Variants in SMARCA2 observed in about 807,000 individuals in gnomAD.
The protein encoded by SMARCA2 is SWI/SNF related BAF chromatin remodeling complex subunit ATPase 2.
A neutral mutation model predicts 199.8 loss-of-function variants in SMARCA2; 61 were observed. The ratio of observed to expected loss-of-function variants is 0.31; its 90% CI spans 0.25 to 0.38. The LOEUF is 0.38. SMARCA2 is among the 10% of genes least tolerant of loss of function. The pLI is 1.00. For synonymous variants in SMARCA2, 935 were observed against 732.0 expected (o/e 1.28, Z -4.48); for missense variants, 1,344 against 2,012.2 (o/e 0.67, Z 6.35).
Position 2,170,323 on chromosome 9 carries a change from G to A in SMARCA2, c.4200-96G>A, listed in dbSNP as rs1826179206. ...AACAAGGCAGGTTGGTGAGGAGACT[G>A]AGGCTTGGCCAGGTCACCCAGCCTA... On this transcript the variant is annotated intron_variant, in intron 28 of 33. Coordinates refer to ENST00000349721, the MANE Select transcript of SMARCA2 (RefSeq NM_003070.5). This position sits in a 1 kb window ranked among gnomAD's most constrained non-coding sequence, Gnocchi z 4.7. 1.3e-6 allele frequency: 2 copies of A among 1,521,436 alleles called. No homozygotes were observed. The highest frequency in any genetic ancestry group is 1.2e-5 in the South Asian group (1 of 83,246). The allele number at this position is 1,521,436 out of a possible 1,614,324, so 94.2% of individuals were successfully genotyped here.
intron 26 of SMARCA2, among the ~76,000 whole-genome samples, chr9:2,121,485 T>C (rs980033881): frequency 6.6e-6 from 1 of 152,178 alleles, no homozygotes; most frequent in South Asian, 2.1e-4. Flanking sequence ...GCACCTCCAC[T>C]TGGGGGCAGG....
At chr9:2,087,295 T>G in intron 18 of SMARCA2, 1 of 544,614 alleles carries the variant, frequency 1.8e-6, no homozygotes. Flanking sequence ...CTTTGTCTTT[T>G]GCCAGCATGT....
intron 19 of SMARCA2, among the ~76,000 whole-genome samples, chr9:2,092,058 G>A (rs1363990837): frequency 6.6e-6 from 1 of 152,070 alleles, no homozygotes; most frequent in Non-Finnish European, 1.5e-5. Context: ...TTATGCACGG[G>A]AAAGAATGCC....
At chr9:2,122,351 T>C (rs1435856464) in intron 26 of SMARCA2, among the ~76,000 whole-genome samples, 3 of 152,132 alleles carry the variant, frequency 2.0e-5, no homozygotes, top group Non-Finnish European at 4.4e-5. Context: ...ATTAGCTCTC[T>C]AATAACTATT....
At chr9:2,176,631 G>A (rs1426953833) in intron 29 of SMARCA2, among the ~76,000 whole-genome samples, 1 of 151,810 alleles carries the variant, frequency 6.6e-6, no homozygotes, top group African/African-American at 2.4e-5. Flanking sequence ...AGCTCGCTGC[G>A]ACCTCTGCCT....
chr9:2,029,135 G>C lies in SMARCA2; in HGVS notation c.113G>C (p.Gly38Ala), dbSNP rs774085434. 10 of 1,611,654 alleles carry C rather than the reference G, an allele frequency of 6.2e-6. No individual in the cohort carries two copies. The highest frequency in any genetic ancestry group is 1.7e-5 in the Admixed American group (1 of 59,746). ...GPSPGPGPSPGSVHSMMGPSP... is the reference protein window; with the variant it reads ...GPSPGPGPSPASVHSMMGPSP... ...AGTCCAGGACCAGGACCATCCCCAGGTTCCGTCCACAGCATGATGGGGCCA... is the reference window on the plus strand; with the variant it reads ...AGTCCAGGACCAGGACCATCCCCAGCTTCCGTCCACAGCATGATGGGGCCA... Residue 38 changes from glycine (G) to alanine (A), a missense_variant, in exon 2 of 34, where the codon GGT becomes GCT. By Grantham distance (60) the Gly-to-Ala change is moderately conservative (BLOSUM62 0). Around this residue, in one of 18 missense-constraint regions of SMARCA2, gnomAD observed 275 missense variants for 247.5 expected, o/e 1.11. Coordinates refer to ENST00000349721, the MANE Select transcript of SMARCA2 (RefSeq NM_003070.5).
chr9:2,092,449 T>A lies in SMARCA2; in HGVS notation c.2883+3836T>A, dbSNP rs78445354. Among the ~76,000 whole-genome samples, 3 of 152,354 alleles carry A rather than the reference T, an allele frequency of 2.0e-5. No individual in the cohort carries two copies. The East Asian group carries it at 5.8e-4, about 29-fold the overall frequency. On this transcript the variant is annotated intron_variant, in intron 19 of 33. Coordinates refer to ENST00000349721, the MANE Select transcript of SMARCA2 (RefSeq NM_003070.5). ...TTAGAACCTGAGACTTTTCATAAAT[T>A]GAATCATATTGTTTACAAATCTCAG...
At chr9:2,168,761 A>AT (rs201354376) in intron 28 of SMARCA2, among the ~76,000 whole-genome samples, 16 of 151,614 alleles carry the variant, frequency 1.1e-4, no homozygotes, top group South Asian at 4.2e-4. Flanking sequence ...AAAAATTTGT[A>AT]TTTTTTTTTC....
chr9:2,116,298 A>C (rs1321312094), intron 25 of SMARCA2, among the ~76,000 whole-genome samples: 2 of 152,206 alleles, frequency 1.3e-5, no homozygotes, highest in South Asian at 4.1e-4. Flanking sequence ...CCAGGGTGGT[A>C]AAACCAGCTG....
rs900097044 is a variant in SMARCA2, at chr9:2,109,973, A to G, written c.3293-281A>G. On this transcript the variant is annotated intron_variant, in intron 23 of 33. Transcript: ENST00000349721. Reference sequence around the variant, plus strand: ...TGTTATAAATCACAGAAATAAATCCAAAAAATGTTTTCATTGTTTTAGGTG... The same window carrying G: ...TGTTATAAATCACAGAAATAAATCCGAAAAATGTTTTCATTGTTTTAGGTG... Among the ~76,000 whole-genome samples, 3 of 152,234 alleles carry G rather than the reference A, an allele frequency of 2.0e-5. No homozygotes were observed. In the East Asian group the frequency reaches 5.8e-4, roughly 29 times the overall value.
chr9:2,015,718 C>T (rs1818325293), intron 1 of SMARCA2, among the ~76,000 whole-genome samples: 2 of 152,192 alleles, frequency 1.3e-5, no homozygotes. Flanking sequence ...ATAATTACTA[C>T]TTCAAGGGGG....
intron 9 of SMARCA2, among the ~76,000 whole-genome samples, chr9:2,068,661 TAAAG>T (rs1820949477): frequency 6.6e-6 from 1 of 152,088 alleles, no homozygotes; most frequent in Non-Finnish European, 1.5e-5. Context: ...TTTAATTAAC[TAAAG>T]AGCCCAAGGG....
intron 23 of SMARCA2, among the ~76,000 whole-genome samples, chr9:2,106,089 T>G (rs1563772206): frequency 1.3e-5 from 2 of 152,242 alleles, no homozygotes; most frequent in African/African-American, 4.8e-5. Context: ...GCATTTCATG[T>G]GCATTATTAA....
At chr9:2,155,207 TA>T (rs1411316992) in intron 27 of SMARCA2, among the ~76,000 whole-genome samples, 1 of 152,250 alleles carries the variant, frequency 6.6e-6, no homozygotes, top group African/African-American at 2.4e-5. Flanking sequence ...ATATTGTGTT[TA>T]ATACTGCTTA....
chr9:2,180,556 A>T (rs1826952584), intron 29 of SMARCA2, among the ~76,000 whole-genome samples: 1 of 152,194 alleles, frequency 6.6e-6, no homozygotes, highest in Non-Finnish European at 1.5e-5. Flanking sequence ...TTAATTTTTG[A>T]TATTTCTGGC....
chr9:2,160,783 ATTTCT>A (rs1015698968), intron 27 of SMARCA2: 28 of 402,054 alleles, frequency 7.0e-5, no homozygotes, highest in African/African-American at 5.2e-4. Flanking sequence ...TTTTTAGAAA[ATTTCT>A]TTTCTATGTT....
chr9:2,109,750 A>C (rs1400832310), intron 23 of SMARCA2, among the ~76,000 whole-genome samples: 1 of 152,248 alleles, frequency 6.6e-6, no homozygotes, highest in Non-Finnish European at 1.5e-5. Flanking sequence ...CATACTTAGT[A>C]GTAATCCAAA....
In SMARCA2 at chr9:2,168,577, A is replaced by G. The variant is rs529733516; in HGVS notation, c.4200-1842A>G. ...TTTATTTGAAGTGCGTTAGGTATTTACTGTGTCGAAGGCTTTCCCACACTG... is the reference window on the plus strand; with the variant it reads ...TTTATTTGAAGTGCGTTAGGTATTTGCTGTGTCGAAGGCTTTCCCACACTG... On this transcript the variant is annotated intron_variant, in intron 28 of 33. Coordinates refer to ENST00000349721, the MANE Select transcript of SMARCA2 (RefSeq NM_003070.5). Among the ~76,000 whole-genome samples, 3 of 152,254 alleles carry G rather than the reference A, an allele frequency of 2.0e-5. No homozygotes were observed. The East Asian group carries it at 5.8e-4, about 29-fold the overall frequency.
chr9:2,060,937 A>G lies in SMARCA2; in HGVS notation c.1643A>G (p.Lys548Arg). Reference sequence around the variant, plus strand: ...CTGACCAATCTGGTTTGGGAGCACAAGCAAGCCCAGGCAGCCAAAGAGAAG... The same window carrying G: ...CTGACCAATCTGGTTTGGGAGCACAGGCAAGCCCAGGCAGCCAAAGAGAAG... ...ANLTNLVWEH[K>R]QAQAAKEKKK... The change falls in exon 9 of 34, where the codon AAG (lysine) becomes AGG (arginine). Residue 548 changes from lysine (K) to arginine (R), a missense_variant. By Grantham distance (26) the Lys-to-Arg change is conservative. This residue lies in a region of SMARCA2 where 68 missense variants were observed against 70.4 expected (regional missense o/e 0.97). Coordinates refer to ENST00000349721, the MANE Select transcript of SMARCA2 (RefSeq NM_003070.5). 1 of 1,614,162 alleles carries G rather than the reference A, an allele frequency of 6.2e-7. No individual in the cohort carries two copies.
Sources: allele counts gnomAD v4.1 joint callset (sites outside exome capture counted in the v4.1 genomes callset), GRCh38; gene constraint gnomAD v4.1.1; regional missense constraint gnomAD v4.1.1; non-coding constraint Gnocchi (gnomAD v3.1); transcripts MANE v1.5; gene names NCBI Gene and HGNC (gene_info 2026-07-23, HGNC 2026-07-21).